Variants in PDPK1 observed in about 807,000 individuals in gnomAD.
PDPK1 encodes 3-phosphoinositide-dependent protein kinase 1.
In PDPK1, 7 loss-of-function variants were observed where a neutral mutation model predicts 39.8. The observed-to-expected ratio is 0.18, with a 90% confidence interval of 0.10 to 0.33. The LOEUF is 0.33. PDPK1 is among the 10% of genes least tolerant of loss of function. The pLI, the probability that PDPK1 is intolerant of heterozygous loss-of-function variation, is 1.00. For synonymous variants in PDPK1, 118 were observed against 159.1 expected (o/e 0.74, Z 1.95); for missense variants, 182 against 384.7 (o/e 0.47, Z 4.41).
intron 1 of PDPK1, among the ~76,000 whole-genome samples, chr16:2,551,979 CT>C (rs548408889): frequency 2.0e-4 from 29 of 148,248 alleles, no homozygotes; most frequent in Middle Eastern, 3.6e-3. Flanking sequence ...AGAGTATCTA[CT>C]TTTTTTTTTC....
chr16:2,553,594 G>T (rs2066457653), intron 1 of PDPK1, among the ~76,000 whole-genome samples: 1 of 122,026 alleles, frequency 8.2e-6, no homozygotes, highest in South Asian at 3.1e-4. Flanking sequence ...TCCTGCCTTG[G>T]CCTCCCAAAA....
rs527809139 is a variant in PDPK1, at chr16:2,603,106, A to C, written c.*5339A>C. 4.4e-6 allele frequency: 1 copy of C among 224,808 alleles called. No individual in the cohort carries two copies. The highest frequency in any genetic ancestry group is 1.8e-4 in the South Asian group (1 of 5,438). The allele number at this position is 224,808 out of a possible 1,614,324, so 13.9% of individuals were successfully genotyped here. ...GTTTATCCTTTTTTTTTTTCCAAAT[A>C]CTTGTGCTTTAGGTGTAGTTACCAG... On this transcript the variant is annotated 3_prime_UTR_variant, in exon 14 of 14. Coordinates refer to ENST00000342085, the MANE Select transcript of PDPK1 (RefSeq NM_002613.5).
In PDPK1 at chr16:2,598,003, T is replaced by A. The variant is rs572774850; in HGVS notation, c.*236T>A. 6.0e-5 allele frequency: 33 copies of A among 548,040 alleles called. No homozygotes were observed. In the Admixed American group the frequency reaches 7.4e-4, roughly 12 times the overall value. The allele number at this position is 548,040 out of a possible 1,614,324, so 33.9% of individuals were successfully genotyped here. A position where few individuals can be genotyped will look rare whatever the true frequency, so the allele number is the denominator to read the frequency against. On this transcript the variant is annotated 3_prime_UTR_variant, in exon 14 of 14. Coordinates refer to ENST00000342085, the MANE Select transcript of PDPK1 (RefSeq NM_002613.5). ...GGGTCGCTTTGCTTGCTCTCTGTGC[T>A]CCGTGGAGGCCTCCGTGTGCCCTCG... is the stretch of plus-strand genomic sequence containing the variant.
chr16:2,580,358 A>C (rs2283466), intron 7 of PDPK1, among the ~76,000 whole-genome samples: 3 of 135,112 alleles, frequency 2.2e-5, no homozygotes, highest in Non-Finnish European at 4.7e-5. Flanking sequence ...GCCTGGGGTC[A>C]GGGTGGGGGT....
intron 7 of PDPK1, chr16:2,579,675 G>T (rs2066782974): frequency 7.1e-6 from 1 of 141,214 alleles, no homozygotes. Context: ...AAAGAGGCCG[G>T]GCGTGGTGGC....
At chr16:2,542,060 A>C (rs1184838094) in intron 1 of PDPK1, among the ~76,000 whole-genome samples, 2 of 152,104 alleles carry the variant, frequency 1.3e-5, no homozygotes, top group African/African-American at 2.4e-5. Context: ...TTTAAACTGG[A>C]ATTTTTGCTC....
chr16:2,545,311 T>C (rs1166672812), intron 1 of PDPK1, among the ~76,000 whole-genome samples: 2 of 151,998 alleles, frequency 1.3e-5, no homozygotes, highest in Non-Finnish European at 1.5e-5. Flanking sequence ...TCAAAGCTCT[T>C]TCTTGTTCTT....
intron 11 of PDPK1, 60 bp from the exon 12 acceptor site, chr16:2,595,733 C>A: frequency 7.6e-7 from 1 of 1,311,550 alleles, no homozygotes; most frequent in Non-Finnish European, 1.1e-6. Flanking sequence ...GCAGGAGGAG[C>A]GTGGAGAATT....
intron 1 of PDPK1, among the ~76,000 whole-genome samples, chr16:2,556,503 T>TA (rs1205093108): frequency 2.2e-5 from 3 of 133,412 alleles, no homozygotes; most frequent in African/African-American, 9.3e-5. Context: ...TAGCTGGCAT[T>TA]ACAGGCATGC....
In PDPK1 at chr16:2,593,860, T is replaced by G. The variant is rs976708406; in HGVS notation, c.1344-1933T>G. 1 of 152,388 alleles carries G rather than the reference T, an allele frequency of 6.6e-6. No individual in the cohort carries two copies. Among genetic ancestry groups the G allele is most frequent in the African/African-American group, 2.4e-5 (1 of 41,466 alleles). 9.4% of individuals were successfully genotyped at this position (152,388 alleles called of 1,614,324 possible). ...CTTTCTGTGCTGTGGTGGGTCTTCC[T>G]CATCACATGTCCTTTTCAGGAACCT... On this transcript the variant is annotated intron_variant, in intron 11 of 13. Transcript: ENST00000342085. The surrounding 1 kb of genome is among the most constrained non-coding windows in gnomAD (Gnocchi z 4.2).
intron 1 of PDPK1, among the ~76,000 whole-genome samples, chr16:2,547,242 C>G (rs2066367392): frequency 6.8e-6 from 1 of 147,266 alleles, no homozygotes; most frequent in Admixed American, 6.6e-5. Flanking sequence ...ATCAGGGGGT[C>G]CTTCCTGAGG....
In PDPK1 at chr16:2,543,625, C is replaced by G. The variant is rs558473305; in HGVS notation, c.24+5489C>G. Among the ~76,000 whole-genome samples, 11 of 151,600 alleles carry G rather than the reference C, an allele frequency of 7.3e-5. No homozygotes were observed. In the South Asian group the frequency reaches 2.1e-3, roughly 29 times the overall value. On this transcript the variant is annotated intron_variant, in intron 1 of 13. Transcript: ENST00000342085. ...CTGCCCTGTTCTCAGCAGTTCTTGT[C>G]TTCTTCAGGCTTTTCCTCCTTGCCT...
chr16:2,597,333 T>G lies in PDPK1; in HGVS notation c.1554+58T>G. Reference sequence around the variant, plus strand: ...GGTAATGGGAGGGCTTTGCACCACGTGGGAAGCAGCCACAGGCCTTGGCCA... The same window carrying G: ...GGTAATGGGAGGGCTTTGCACCACGGGGGAAGCAGCCACAGGCCTTGGCCA... On this transcript the variant is annotated intron_variant, in intron 13 of 13. Coordinates refer to ENST00000342085, the MANE Select transcript of PDPK1 (RefSeq NM_002613.5). This position sits in a 1 kb window ranked among gnomAD's most constrained non-coding sequence, Gnocchi z 6.3. 1 of 1,453,656 alleles carries G rather than the reference T, an allele frequency of 6.9e-7. No individual in the cohort carries two copies. The highest frequency in any genetic ancestry group is 9.4e-7 in the Non-Finnish European group (1 of 1,065,728). The allele number at this position is 1,453,656 out of a possible 1,614,324, so 90.0% of individuals were successfully genotyped here. A position where few individuals can be genotyped will look rare whatever the true frequency, so the allele number is the denominator to read the frequency against.
Position 2,586,684 on chromosome 16 carries a change from T to A in PDPK1, c.1134T>A (p.Asn378Lys). ...TCCCTTCTTCTCTGCAGTATGACAA[T>A]CTCCTGAGCCAGTTTGGCTGCATGC... Reference protein sequence around the residue: ...DDEDCYGNYDNLLSQFGCMQV... With the variant: ...DDEDCYGNYDKLLSQFGCMQV... The change falls in exon 11 of 14, where the codon AAT becomes AAA. Residue 378 changes from asparagine (N) to lysine (K), a missense_variant. By Grantham distance (94) the Asn-to-Lys change is moderately conservative (BLOSUM62 0). Around this residue, in one of 5 missense-constraint regions of PDPK1, gnomAD observed 90 missense variants for 111.9 expected, o/e 0.80. Coordinates refer to ENST00000342085, the MANE Select transcript of PDPK1 (RefSeq NM_002613.5). The A allele has an allele frequency of 1.2e-6, 2 of 1,614,126 alleles. No homozygotes were observed. The highest frequency in any genetic ancestry group is 1.7e-6 in the Non-Finnish European group (2 of 1,179,992).
In PDPK1 at chr16:2,551,559, A is replaced by G. The variant is rs556883156; in HGVS notation, c.25-6144A>G. The stretch of plus-strand genomic sequence containing the variant: ...GGCTCCAGAGCACACACTGCCATTT[A>G]AAGGTAGCTTAGCTTTCTGTTCGGG... On this transcript the variant is annotated intron_variant, in intron 1 of 13. Transcript: ENST00000342085. 1.6e-3 allele frequency among the ~76,000 whole-genome samples: 239 copies of G among 151,374 alleles called. 1 individual carries two copies. Among genetic ancestry groups the G allele is most frequent in the Non-Finnish European group, 2.7e-3 (184 of 67,964 alleles).
rs191657359 is a variant in PDPK1, at chr16:2,590,856, C to T, written c.1343+3963C>T. Among the ~76,000 whole-genome samples the T allele has an allele frequency of 3.3e-5, 5 of 152,184 alleles. No homozygotes were observed. In the East Asian group the frequency reaches 9.6e-4, roughly 29 times the overall value. On this transcript the variant is annotated intron_variant, in intron 11 of 13. Transcript: ENST00000342085. ...AGAGACAAGCTCTCACTATGTTACC[C>T]AGGCTGGTCTCGAACTGCTGGGCTG...
At position 2,538,601 on chromosome 16, in the gene PDPK1, C is replaced by T. The variant is rs541550615; in HGVS notation, c.24+465C>T. 4.6e-5 allele frequency: 59 copies of T among 1,288,656 alleles called. No homozygotes were observed. In the African/African-American group the frequency reaches 6.8e-4, roughly 15 times the overall value. The allele number at this position is 1,288,656 out of a possible 1,614,324, so 79.8% of individuals were successfully genotyped here. A position where few individuals can be genotyped will look rare whatever the true frequency, so the allele number is the denominator to read the frequency against. On this transcript the variant is annotated intron_variant, in intron 1 of 13. Coordinates refer to ENST00000342085, the MANE Select transcript of PDPK1 (RefSeq NM_002613.5). ...TTCTTGCTGAAAGCACCTGATGCTC[C>T]TGGGCCCCCTTTTCCAGATTCTTGA...
In PDPK1 at chr16:2,538,075, A is replaced by C; in HGVS notation, c.-38A>C. ...ACGCTGAGGAGGCGCCGAGCCGCGC[A>C]GCGCTGCGGGGGAGGCGCCCGCGCC... On this transcript the variant is annotated 5_prime_UTR_variant, in exon 1 of 14. Coordinates refer to ENST00000342085, the MANE Select transcript of PDPK1 (RefSeq NM_002613.5). 4.1e-6 allele frequency: 4 copies of C among 972,542 alleles called. No homozygotes were observed. Among genetic ancestry groups the C allele is most frequent in the South Asian group, 4.7e-5 (1 of 21,206 alleles). The allele number at this position is 972,542 out of a possible 1,614,324, so 60.2% of individuals were successfully genotyped here. A position where few individuals can be genotyped will look rare whatever the true frequency, so the allele number is the denominator to read the frequency against.
intron 11 of PDPK1, among the ~76,000 whole-genome samples, chr16:2,595,511 C>T (rs2067082601): frequency 6.6e-6 from 1 of 152,238 alleles, no homozygotes; most frequent in Non-Finnish European, 1.5e-5. Context: ...ACGGTCCTCC[C>T]CCACCTTTTC....
Sources: allele counts gnomAD v4.1 joint callset (sites outside exome capture counted in the v4.1 genomes callset), GRCh38; gene constraint gnomAD v4.1.1; regional missense constraint gnomAD v4.1.1; non-coding constraint Gnocchi (gnomAD v3.1); transcripts MANE v1.5; gene names NCBI Gene and HGNC (gene_info 2026-07-23, HGNC 2026-07-21).